Variants in MME observed in about 807,000 individuals in gnomAD.
MME encodes the protein membrane metalloendopeptidase.
In MME, 98 loss-of-function variants were observed where a neutral mutation model predicts 113.2. The observed-to-expected ratio is 0.87, with a 90% CI of 0.74 to 1.02. The LOEUF (loss-of-function observed/expected upper bound fraction) is 1.02. Among genes scored for constraint, MME ranks in the 50% least tolerant of loss-of-function variants. The pLI, the probability that MME is intolerant of heterozygous loss-of-function variation, is 0.00. For synonymous variants in MME, 292 were observed against 300.6 expected, an observed-to-expected ratio of 0.97 and a Z score of 0.30; for missense variants, 836 against 896.0, an observed-to-expected ratio of 0.93 and a Z score of 0.86.
Position 155,166,257 on chromosome 3 carries a change from C to T in MME, c.1661-645C>T, listed in dbSNP as rs1576665671. Reference sequence around the variant, plus strand: ...CACAGAAATCTCTGCTCTCAAAGGGCTAATATTTGAGGAGCTGGGGTAGGA... The same window carrying T: ...CACAGAAATCTCTGCTCTCAAAGGGTTAATATTTGAGGAGCTGGGGTAGGA... On this transcript the variant is annotated intron_variant, in intron 17 of 22. Transcript: ENST00000360490. Among the ~76,000 whole-genome samples the T allele has an allele frequency of 2.0e-5, 3 of 151,956 alleles. No individual in the cohort carries two copies. In the East Asian group the frequency reaches 5.8e-4, roughly 29 times the overall value.
At chr3:155,107,604 T>C (rs1205259542) in intron 3 of MME, among the ~76,000 whole-genome samples, 1 of 152,198 alleles carries the variant, frequency 6.6e-6, no homozygotes, top group Non-Finnish European at 1.5e-5. Context: ...AAGAGGAATA[T>C]AAGCACAGTC....
At chr3:155,072,167 CAAAAAAAAAAAA>C (rs71155031) in intron 1 of MME, among the ~76,000 whole-genome samples, 43 of 65,072 alleles carry the variant, frequency 6.6e-4, no homozygotes, top group African/African-American at 2.9e-3. Context: ...GACTCCGTCT[CAAAAAAAAAAAA>C]AAAAAAAAAA....
At chr3:155,144,243 A>C (rs1559947963) in intron 13 of MME, 116 bp from the exon 14 acceptor site, 1 of 745,646 alleles carries the variant, frequency 1.3e-6, no homozygotes, top group Non-Finnish European at 2.4e-6. Context: ...TTGTCTATAA[A>C]TTTACGTTTA....
chr3:155,036,276 A>G (rs188006099), intron 1 of MME, among the ~76,000 whole-genome samples: 4 of 152,354 alleles, frequency 2.6e-5, no homozygotes, highest in Middle Eastern at 3.4e-3. Flanking sequence ...TTCGTTAGAT[A>G]TAATTCACAA....
At chr3:155,139,884 C>T in intron 9 of MME, among the ~76,000 whole-genome samples, 1 of 152,122 alleles carries the variant, frequency 6.6e-6, no homozygotes, top group East Asian at 1.9e-4. Context: ...ACAGACACAA[C>T]TGAACTGGCC....
At chr3:155,043,347 T>G (rs1418883594) in intron 1 of MME, among the ~76,000 whole-genome samples, 10 of 151,848 alleles carry the variant, frequency 6.6e-5, no homozygotes, top group Non-Finnish European at 4.4e-5. Context: ...TTTTTTTTTT[T>G]TGAGACGGAG....
chr3:155,080,726 A>G (rs368495998), intron 1 of MME, among the ~76,000 whole-genome samples: 1 of 152,118 alleles, frequency 6.6e-6, no homozygotes, highest in Non-Finnish European at 1.5e-5. Flanking sequence ...GGTAATTGCA[A>G]CCAAATATCC....
At chr3:155,152,258 T>C (rs1450733195) in intron 16 of MME, among the ~76,000 whole-genome samples, 2 of 152,168 alleles carry the variant, frequency 1.3e-5, no homozygotes, top group East Asian at 3.9e-4. Context: ...CTACACATGA[T>C]TTGATTAAAC....
intron 14 of MME, among the ~76,000 whole-genome samples, chr3:155,144,720 G>T (rs1327518091): frequency 6.6e-6 from 1 of 152,094 alleles, no homozygotes; most frequent in Admixed American, 6.6e-5. Flanking sequence ...CACTATTGGT[G>T]CATTATAAGA....
intron 1 of MME, among the ~76,000 whole-genome samples, chr3:155,083,114 T>G (rs1715308632): frequency 6.6e-6 from 1 of 152,212 alleles, no homozygotes; most frequent in African/African-American, 2.4e-5. Flanking sequence ...ATTTAATATT[T>G]AGGCTTATAT....
intron 3 of MME, among the ~76,000 whole-genome samples, chr3:155,110,395 C>A (rs1718091694): frequency 6.6e-6 from 1 of 152,148 alleles, no homozygotes; most frequent in Admixed American, 6.5e-5. Context: ...GTTAAAAGAG[C>A]CCAAACGTTT....
rs1576676843 is a variant in MME at position 155,061,704 on chromosome 3, G to A, written c.-10-22454G>A. ...TGAGACAGAGTCTTGCTCTGTTGCC[G>A]AGGCTGGAGTGCAGTGGCACAGTCT... On this transcript the variant is annotated intron_variant, in intron 1 of 22. Transcript: ENST00000492661. Among the ~76,000 whole-genome samples the A allele has an allele frequency of 4.3e-5, 6 of 140,144 alleles. No homozygotes were observed. The South Asian group carries it at 1.4e-3, about 32-fold the overall frequency. The allele number at this position is 140,144 out of a possible 152,430, so 91.9% of individuals were successfully genotyped here.
intron 1 of MME, among the ~76,000 whole-genome samples, chr3:155,069,755 A>G (rs73874493): frequency 0.036 from 5,474 of 152,242 alleles, 266 homozygotes; most frequent in African/African-American, 0.11. Context: ...CTGGGTTTCA[A>G]ATGAGTAAAA....
chr3:155,150,192 A>G (rs924665506), intron 16 of MME, among the ~76,000 whole-genome samples: 7 of 152,176 alleles, frequency 4.6e-5, no homozygotes, highest in African/African-American at 1.7e-4. Flanking sequence ...ACCAGTACCC[A>G]TAGGACATCA....
chr3:155,182,990 A>C lies in MME; in HGVS notation c.*2531A>C, dbSNP rs1198299912. ...TATCTCTAATTCCATCCATAAATCC[A>C]GTTCTACTATGGCTGAGTTCTGGTC... is the stretch of plus-strand genomic sequence containing the variant. On this transcript the variant is annotated 3_prime_UTR_variant, in exon 23 of 23. Transcript: ENST00000360490. 1 of 152,234 alleles carries C rather than the reference A, an allele frequency of 6.6e-6. No homozygotes were observed. The highest frequency in any genetic ancestry group is 2.4e-5 in the African/African-American group (1 of 41,466). The allele number at this position is 152,234 out of a possible 1,614,324, so 9.4% of individuals were successfully genotyped here.
At chr3:155,097,005 G>A (rs73010288) in intron 3 of MME, among the ~76,000 whole-genome samples, 2,766 of 152,296 alleles carry the variant, frequency 0.018, 88 homozygotes, top group African/African-American at 0.063. Flanking sequence ...CTGTAAATAG[G>A]TGAGGTTGTG....
intron 8 of MME, among the ~76,000 whole-genome samples, chr3:155,125,050 G>T (rs1719503721): frequency 6.6e-6 from 1 of 150,942 alleles, no homozygotes; most frequent in African/African-American, 2.4e-5. Flanking sequence ...ATCTCAGACT[G>T]CTGTGCTAGC....
chr3:155,035,892 T>C (rs1189100688), intron 1 of MME, among the ~76,000 whole-genome samples: 2 of 152,096 alleles, frequency 1.3e-5, no homozygotes, highest in Non-Finnish European at 2.9e-5. Context: ...ATAACTTGGC[T>C]GCTGTTGAGA....
intron 1 of MME, among the ~76,000 whole-genome samples, chr3:155,031,356 T>G (rs1388290298): frequency 2.0e-5 from 3 of 152,070 alleles, no homozygotes; most frequent in Non-Finnish European, 1.5e-5. Flanking sequence ...ATTTTCCCCT[T>G]TTGAGAGAAA....
Sources: allele counts gnomAD v4.1 joint callset (sites outside exome capture counted in the v4.1 genomes callset), GRCh38; gene constraint gnomAD v4.1.1; transcripts MANE v1.5; gene names NCBI Gene and HGNC (gene_info 2026-07-23, HGNC 2026-07-21).